Variants in FMN2 observed in about 807,000 individuals in gnomAD.
FMN2 encodes formin-2.
In FMN2, 51 loss-of-function variants were observed where a neutral mutation model predicts 142.3. The ratio of observed to expected loss-of-function variants is 0.36; its 90% CI spans 0.29 to 0.45. The LOEUF (loss-of-function observed/expected upper bound fraction) is 0.45, where lower values mean the gene tolerates loss of function less well. Ranked by LOEUF, FMN2 falls within the 20% of genes least tolerant of loss-of-function variation. FMN2 has a pLI of 1.00. For synonymous variants in FMN2, 882 were observed against 869.8 expected, an observed-to-expected ratio of 1.01 and a Z score of -0.25; for missense variants, 1,936 against 2,122.8, an observed-to-expected ratio of 0.91 and a Z score of 1.73.
intron 8 of FMN2, among the ~76,000 whole-genome samples, chr1:240,301,170 AT>A (rs11301299): frequency 0.29 from 40,717 of 141,910 alleles, 6,096 homozygotes; most frequent in African/African-American, 0.39. Flanking sequence ...TTTTATTTCT[AT>A]TTTTTTTTTT....
chr1:240,439,325 G>T (rs1572315222), intron 16 of FMN2, among the ~76,000 whole-genome samples: 1 of 150,258 alleles, frequency 6.7e-6, no homozygotes, highest in South Asian at 2.2e-4. Flanking sequence ...GAGAAACTTT[G>T]TTCACAAAAT....
intron 2 of FMN2, among the ~76,000 whole-genome samples, chr1:240,155,859 A>C (rs1259138677): frequency 1.3e-5 from 2 of 151,176 alleles, no homozygotes; most frequent in Non-Finnish European, 2.9e-5. Flanking sequence ...TAAAAAAAAA[A>C]CTGACCATCT....
At chr1:240,200,491 A>G (rs1434195281) in intron 4 of FMN2, among the ~76,000 whole-genome samples, 1 of 152,188 alleles carries the variant, frequency 6.6e-6, no homozygotes. Context: ...AAGGAAGGCC[A>G]GATAAGATTC....
intron 1 of FMN2, among the ~76,000 whole-genome samples, chr1:240,120,432 G>A (rs1662188906): frequency 6.6e-6 from 1 of 152,110 alleles, no homozygotes; most frequent in Non-Finnish European, 1.5e-5. Flanking sequence ...AAGTTTGATG[G>A]TATAGACTGA....
At chr1:240,329,683 G>A (rs1460384405) in intron 10 of FMN2, among the ~76,000 whole-genome samples, 1 of 152,178 alleles carries the variant, frequency 6.6e-6, no homozygotes, top group African/African-American at 2.4e-5. Flanking sequence ...TTGCTAGAAT[G>A]TGGCCAATAC....
At chr1:240,414,414 A>C (rs1368219741) in intron 15 of FMN2, among the ~76,000 whole-genome samples, 1 of 152,356 alleles carries the variant, frequency 6.6e-6, no homozygotes, top group East Asian at 1.9e-4. Flanking sequence ...AGAGCCGAGA[A>C]TGGAATTCAG....
intron 2 of FMN2, among the ~76,000 whole-genome samples, chr1:240,155,459 T>C (rs1485237045): frequency 6.6e-6 from 1 of 152,068 alleles, no homozygotes; most frequent in African/African-American, 2.4e-5. Flanking sequence ...TTTTTAAATA[T>C]TTTGTAGAGA....
At position 240,258,132 on chromosome 1, in the gene FMN2, T is replaced by G. The variant is rs889046843; in HGVS notation, c.4153+100T>G. ...TTATTTCAAACTTAGAGTTTCTGTG[T>G]AAACCGAGGTTAGTATATATCCCGT... On this transcript the variant is annotated intron_variant, in intron 7 of 17. Coordinates refer to ENST00000319653, the MANE Select transcript of FMN2 (RefSeq NM_020066.5). 2.7e-4 allele frequency: 240 copies of G among 879,360 alleles called. 1 individual carries two copies. The highest frequency in any genetic ancestry group is 9.9e-4 in the Middle Eastern group (3 of 3,036). 54.5% of individuals were successfully genotyped at this position (879,360 alleles called of 1,614,324 possible).
chr1:240,113,503 AGCCGAGATCAC>A, intron 1 of FMN2, among the ~76,000 whole-genome samples: 1 of 141,608 alleles, frequency 7.1e-6, no homozygotes, highest in Non-Finnish European at 1.5e-5. Context: ...GGTCGCAGTG[AGCCGAGATCAC>A]GACACTGCAC....
chr1:240,251,927 G>T (rs1357547728), intron 6 of FMN2, among the ~76,000 whole-genome samples: 5 of 151,986 alleles, frequency 3.3e-5, no homozygotes, highest in African/African-American at 1.2e-4. Flanking sequence ...ATTTATTTTT[G>T]AGACGAAGTC....
intron 3 of FMN2, among the ~76,000 whole-genome samples, chr1:240,185,851 A>G (rs185918423): frequency 5.3e-4 from 80 of 152,326 alleles, no homozygotes; most frequent in African/African-American, 1.4e-3. Context: ...TTTGGAAGTG[A>G]CGAAAAACAA....
intron 14 of FMN2, among the ~76,000 whole-genome samples, chr1:240,368,016 A>G (rs1672742006): frequency 6.6e-6 from 1 of 152,030 alleles, no homozygotes; most frequent in Non-Finnish European, 1.5e-5. Context: ...ATGCTGTACC[A>G]TTTCTATCAT....
intron 15 of FMN2, among the ~76,000 whole-genome samples, chr1:240,425,663 T>C (rs1490601023): frequency 6.6e-6 from 1 of 152,186 alleles, no homozygotes; most frequent in Non-Finnish European, 1.5e-5. Flanking sequence ...GGTTTCTCCT[T>C]CTTGAAGCAT....
intron 8 of FMN2, among the ~76,000 whole-genome samples, chr1:240,312,401 C>A (rs1004447143): frequency 5.3e-5 from 8 of 152,170 alleles, no homozygotes; most frequent in Admixed American, 3.9e-4. Flanking sequence ...CATACAGCAA[C>A]ATGCACCTTG....
chr1:240,463,334 G>C (rs1032264057), intron 16 of FMN2, among the ~76,000 whole-genome samples: 3 of 152,164 alleles, frequency 2.0e-5, no homozygotes, highest in Admixed American at 1.3e-4. Context: ...AGAAGGGGTG[G>C]GGAAGAGGGA....
chr1:240,395,917 G>A (rs1353649588), intron 15 of FMN2, among the ~76,000 whole-genome samples: 1 of 152,184 alleles, frequency 6.6e-6, no homozygotes, highest in East Asian at 1.9e-4. Context: ...TGTGAGTAAA[G>A]TGCTACCAAA....
chr1:240,470,804 A>G (rs1168902961), intron 16 of FMN2, among the ~76,000 whole-genome samples: 1 of 149,746 alleles, frequency 6.7e-6, no homozygotes, highest in African/African-American at 2.5e-5. Flanking sequence ...TTTACCTGTT[A>G]GATTATTTTC....
intron 3 of FMN2, among the ~76,000 whole-genome samples, chr1:240,178,697 G>A (rs1315778213): frequency 1.3e-5 from 2 of 152,052 alleles, no homozygotes; most frequent in African/African-American, 4.8e-5. Context: ...GTCTCCTAAA[G>A]TGCTGGAATT....
chr1:240,133,490 T>G (rs1308085491), intron 2 of FMN2, among the ~76,000 whole-genome samples: 1 of 152,150 alleles, frequency 6.6e-6, no homozygotes, highest in African/African-American at 2.4e-5. Flanking sequence ...TAATTGTTTC[T>G]CTATCAGAAT....
Sources: gnomAD v4.1 joint callset for allele counts (sites outside exome capture counted in the v4.1 genomes callset) on GRCh38, gnomAD v4.1.1 for gene constraint, MANE v1.5 for transcripts, NCBI Gene and HGNC (gene_info 2026-07-23, HGNC 2026-07-21) for gene names.